DNMBP: variants seen among roughly 807,000 people sequenced by gnomAD.
DNMBP encodes the protein dynamin-binding protein.
A neutral mutation model predicts 150.0 loss-of-function variants in DNMBP; 87 were observed. The ratio of observed to expected loss-of-function variants is 0.58; its 90% CI spans 0.49 to 0.69. DNMBP has a LOEUF of 0.69. Ranked by LOEUF, DNMBP falls within the 30% of genes least tolerant of loss-of-function variation. The probability of loss-of-function intolerance (pLI) is 0.00; values close to 1 mark genes in which losing one functional copy is unlikely to be tolerated. For synonymous variants in DNMBP, 711 were observed against 750.4 expected, an observed-to-expected ratio of 0.95 and a Z score of 0.86; for missense variants, 1,774 against 1,949.0, an observed-to-expected ratio of 0.91 and a Z score of 1.69.
intron 1 of DNMBP, among the ~76,000 whole-genome samples, chr10:99,990,852 C>T (rs1416561032): frequency 2.6e-4 from 37 of 144,796 alleles, no homozygotes; most frequent in Middle Eastern, 3.6e-3. Flanking sequence ...CACACACACA[C>T]ATATATATAT....
intron 6 of DNMBP, among the ~76,000 whole-genome samples, chr10:99,902,804 T>C (rs954529186): frequency 2.0e-5 from 3 of 151,424 alleles, no homozygotes; most frequent in African/African-American, 7.3e-5. Flanking sequence ...GGCAGGCGCC[T>C]GTAATCCCAG....
chr10:99,898,124 T>C lies in DNMBP; in HGVS notation c.2882A>G (p.Asn961Ser), dbSNP rs1348435648. ...CCGTTTATATTCATTAATGTTAACG[T>C]TGATTTCCTTGACCGCAAGGACTGC... ...TNAVLAVKEI[N>S]VNINEYKRRK... Residue 961 changes from asparagine (N) to serine (S), a missense_variant, in exon 9 of 17, where the codon AAC becomes AGC. By Grantham distance (46) the Asn-to-Ser change is conservative (BLOSUM62 1). Around this residue, in one of 2 missense-constraint regions of DNMBP, gnomAD observed 1,430 missense variants for 1,492.5 expected, o/e 0.96. Coordinates refer to ENST00000324109, the MANE Select transcript of DNMBP (RefSeq NM_015221.4). The C allele has an allele frequency of 6.8e-6, 11 of 1,614,120 alleles. No homozygotes were observed. Among genetic ancestry groups the C allele is most frequent in the South Asian group, 6.6e-5 (6 of 91,074 alleles).
intron 4 of DNMBP, among the ~76,000 whole-genome samples, chr10:99,940,584 C>G (rs913380010): frequency 6.6e-6 from 1 of 152,186 alleles, no homozygotes; most frequent in African/African-American, 2.4e-5. Context: ...CTTATGAACG[C>G]GTACTAATGT....
intron 1 of DNMBP, among the ~76,000 whole-genome samples, chr10:99,982,262 T>C (rs2040786587): frequency 6.6e-6 from 1 of 151,300 alleles, no homozygotes; most frequent in Non-Finnish European, 1.5e-5. Flanking sequence ...CTGGGCAACA[T>C]GGTGAAATCC....
intron 3 of DNMBP, among the ~76,000 whole-genome samples, chr10:99,964,692 G>A (rs1392190656): frequency 6.6e-6 from 1 of 151,356 alleles, no homozygotes; most frequent in African/African-American, 2.4e-5. Context: ...CCAAAATGGT[G>A]AAACCCTGTC....
At chr10:99,920,220 C>T (rs868391933) in intron 4 of DNMBP, among the ~76,000 whole-genome samples, 1 of 151,958 alleles carries the variant, frequency 6.6e-6, no homozygotes, top group African/African-American at 2.4e-5. Context: ...GGATTACAGG[C>T]ACGCGCCACC....
At chr10:99,983,711 G>C (rs1190832811) in intron 1 of DNMBP, among the ~76,000 whole-genome samples, 1 of 152,222 alleles carries the variant, frequency 6.6e-6, no homozygotes, top group Non-Finnish European at 1.5e-5. Flanking sequence ...TGTCGAACTG[G>C]AAGAACAAAT....
intron 4 of DNMBP, among the ~76,000 whole-genome samples, chr10:99,914,716 C>T (rs1344528526): frequency 6.6e-6 from 1 of 152,006 alleles, no homozygotes; most frequent in African/African-American, 2.4e-5. Flanking sequence ...AGAAAATGCA[C>T]AATTTTGTAA....
Position 99,908,999 on chromosome 10 carries a change from AGATCCC to A in DNMBP, c.2402_2407del (p.Arg801_Asp802del). On this transcript the variant is annotated inframe_deletion, in exon 5 of 17. Coordinates refer to ENST00000324109, the MANE Select transcript of DNMBP (RefSeq NM_015221.4). ...CATGATCCGCTCAATACACATTTCC[AGATCCC>A]GAATGTAGTCTCTTTCTGTCTGAAG... 1.2e-6 allele frequency: 2 copies of A among 1,614,194 alleles called. No homozygotes were observed. Among genetic ancestry groups the A allele is most frequent in the Non-Finnish European group, 1.7e-6 (2 of 1,180,038 alleles).
At chr10:99,933,853 C>T (rs2040191172) in intron 4 of DNMBP, among the ~76,000 whole-genome samples, 1 of 152,238 alleles carries the variant, frequency 6.6e-6, no homozygotes, top group Non-Finnish European at 1.5e-5. Flanking sequence ...TCTCCTGCCT[C>T]AGCCTCCGCA....
At chr10:99,992,941 G>C (rs2040912394) in intron 1 of DNMBP, among the ~76,000 whole-genome samples, 1 of 152,170 alleles carries the variant, frequency 6.6e-6, no homozygotes. Flanking sequence ...CTAGTCAGGA[G>C]GCTGAGGTGG....
chr10:99,930,169 TACAATAAAAATTAGTTGCCCA>T (rs1357500042), intron 4 of DNMBP: 1 of 702,932 alleles, frequency 1.4e-6, no homozygotes, highest in Non-Finnish European at 2.6e-6. Flanking sequence ...CTGTGTTCTC[TACAATAAAAATTAGTTGCCCA>T]ACAATCCTCA....
chr10:99,956,175 C>G lies in DNMBP; in HGVS notation c.1299G>C (p.Val433=). ...GTTCTGAGTGCGGGTGGCTCCCTCC[C>G]ACTGTAGAATAATACTGGCTTTTCT... The part of the protein sequence containing the change: ...NLQKSQYYST[V]GGSHPHSEQY... The change falls in exon 4 of 17, where the codon GTG becomes GTC. Residue 433 remains valine, a synonymous_variant. Transcript: ENST00000324109. 6.2e-7 allele frequency: 1 copy of G among 1,614,094 alleles called. No homozygotes were observed. Among genetic ancestry groups the G allele is most frequent in the African/African-American group, 1.3e-5 (1 of 75,024 alleles).
Position 99,888,912 on chromosome 10 carries a change from C to A in DNMBP, c.3198G>T (p.Trp1066Cys), listed in dbSNP as rs752323952. ...CVKVVAAVSM[W>C]DVCMERGHRD... ...GGTGTCCTCTCTCCATGCACACATC[C>A]CACATGCTCACAGCAGCCACCACTT... Residue 1066 changes from tryptophan to cysteine, a missense_variant, in exon 12 of 17, where the codon TGG becomes TGT. Transcript: ENST00000324109. The A allele has an allele frequency of 1.2e-6, 2 of 1,614,144 alleles. No homozygotes were observed. Among genetic ancestry groups the A allele is most frequent in the South Asian group, 1.1e-5 (1 of 91,078 alleles).
In DNMBP at chr10:99,913,547, G is replaced by A. The variant is rs1199548250; in HGVS notation, c.2261-4401C>T. Among the ~76,000 whole-genome samples, 7 of 152,110 alleles carry A rather than the reference G, an allele frequency of 4.6e-5. No individual in the cohort carries two copies. In the South Asian group the frequency reaches 1.5e-3, roughly 32 times the overall value. On this transcript the variant is annotated intron_variant, in intron 4 of 16. Coordinates refer to ENST00000324109, the MANE Select transcript of DNMBP (RefSeq NM_015221.4). ...CTTACTTTCTTCCTAGGATAGCCCG[G>A]CAGGTGTTAAAGGAGCTGGGACTGT... is the stretch of plus-strand genomic sequence containing the variant.
chr10:99,880,188 C>G lies in DNMBP; in HGVS notation c.4171G>C (p.Ala1391Pro). Reference sequence around the variant, plus strand: ...CAAGACCCCGAGGTAAAGGATACAGCCATGCTGCTGGGGTTGAAGGTCAGG... The same window carrying G: ...CAAGACCCCGAGGTAAAGGATACAGGCATGCTGCTGGGGTTGAAGGTCAGG... The part of the protein sequence containing the change: ...STLTFNPSSM[A>P]VSFTSGSCQK... The change falls in exon 16 of 17, where the codon GCT (alanine) becomes CCT (proline). Residue 1391 changes from alanine to proline, a missense_variant. Physicochemically the swap from Ala to Pro is conservative, Grantham distance 27. Around this residue, in one of 2 missense-constraint regions of DNMBP, gnomAD observed 1,430 missense variants for 1,492.5 expected, o/e 0.96. Transcript: ENST00000324109. 6.2e-7 allele frequency: 1 copy of G among 1,614,138 alleles called. No homozygotes were observed. The highest frequency in any genetic ancestry group is 8.5e-7 in the Non-Finnish European group (1 of 1,180,026).
chr10:99,893,607 G>A (rs755483640), intron 11 of DNMBP, among the ~76,000 whole-genome samples: 31 of 152,142 alleles, frequency 2.0e-4, no homozygotes, highest in East Asian at 7.7e-4. Flanking sequence ...GGTGGTGTAC[G>A]CCTCAGCTAC....
chr10:99,898,147 T>A lies in DNMBP; in HGVS notation c.2859A>T (p.Ala953=), dbSNP rs772160485. ...CGTTGATTTCCTTGACCGCAAGGAC[T>A]GCATTGGTTAAAGGCACTTTATCTG... is the stretch of plus-strand genomic sequence containing the variant. ...SHPDKVPLTN[A]VLAVKEINVN... is the part of the protein sequence containing the mutation. Residue 953 remains alanine, a synonymous_variant, in exon 9 of 17, where the codon GCA becomes GCT. Transcript: ENST00000324109. 1 of 1,614,174 alleles carries A rather than the reference T, an allele frequency of 6.2e-7. No individual in the cohort carries two copies. Among genetic ancestry groups the A allele is most frequent in the Admixed American group, 1.7e-5 (1 of 60,022 alleles).
chr10:99,902,643 G>T (rs116823894), intron 6 of DNMBP, among the ~76,000 whole-genome samples: 11,615 of 130,452 alleles, frequency 0.089, 771 homozygotes, highest in African/African-American at 0.19. Flanking sequence ...AAAAAAAATT[G>T]TTGGCTGGAC....
Sources: gnomAD v4.1 joint callset for allele counts (sites outside exome capture counted in the v4.1 genomes callset) on GRCh38, gnomAD v4.1.1 for gene constraint, gnomAD v4.1.1 regional missense constraint, MANE v1.5 for transcripts, NCBI Gene and HGNC (gene_info 2026-07-23, HGNC 2026-07-21) for gene names.